The following MINDY4 variants were observed in gnomAD, a reference collection of about 807,000 sequenced individuals.
MINDY4 encodes probable ubiquitin carboxyl-terminal hydrolase MINDY-4.
MINDY4 carries 68 observed loss-of-function variants against 87.0 expected under a neutral mutation model. That is an observed-to-expected ratio of 0.78 (90% CI 0.64 to 0.96). The LOEUF (loss-of-function observed/expected upper bound fraction) is 0.96. Ranked by LOEUF, MINDY4 falls within the 40% of genes least tolerant of loss-of-function variation. The pLI is 0.00. For synonymous variants in MINDY4, 379 were observed against 363.2 expected, an observed-to-expected ratio of 1.04 and a Z score of -0.50; for missense variants, 919 against 928.2, an observed-to-expected ratio of 0.99 and a Z score of 0.13.
chr7:30,783,762 A>G (rs1389537437), intron 3 of MINDY4, among the ~76,000 whole-genome samples: 1 of 152,220 alleles, frequency 6.6e-6, no homozygotes, highest in African/African-American at 2.4e-5. Flanking sequence ...TGTTTATTTT[A>G]AATTCCATGA....
intron 6 of MINDY4, 36 bp from the exon 7 acceptor site, chr7:30,836,622 T>G: frequency 1.3e-6 from 2 of 1,547,028 alleles, no homozygotes; most frequent in Non-Finnish European, 8.9e-7. Context: ...CCGTGAGTCA[T>G]AACGAAGGGC....
intron 6 of MINDY4, among the ~76,000 whole-genome samples, chr7:30,836,358 C>CG (rs1238320238): frequency 2.0e-5 from 3 of 152,190 alleles, no homozygotes; most frequent in Non-Finnish European, 4.4e-5. Context: ...TTGTTCCACT[C>CG]TATGTCCATG....
intron 4 of MINDY4, 106 bp from the exon 5 acceptor site, chr7:30,791,057 GAC>G (rs1225225335): frequency 9.0e-7 from 1 of 1,114,062 alleles, no homozygotes. Flanking sequence ...GGTGGGAAAA[GAC>G]ATTCCTGGGA....
intron 5 of MINDY4, among the ~76,000 whole-genome samples, chr7:30,813,554 A>T (rs1413091113): frequency 2.0e-5 from 3 of 152,144 alleles, no homozygotes; most frequent in African/African-American, 7.2e-5. Context: ...AGAGGCCGTA[A>T]CCCCAGAGTG....
At chr7:30,823,817 T>TA (rs1309715222) in intron 5 of MINDY4, among the ~76,000 whole-genome samples, 4 of 152,016 alleles carry the variant, frequency 2.6e-5, no homozygotes, top group South Asian at 2.1e-4. Flanking sequence ...TAGTAGGACT[T>TA]AAAAAAACAA....
intron 17 of MINDY4, 115 bp from the exon 18 acceptor site, chr7:30,891,842 G>T: frequency 9.7e-7 from 1 of 1,032,148 alleles, no homozygotes; most frequent in South Asian, 1.3e-5. Context: ...GATGGAAACC[G>T]AACTATTCAA....
intron 9 of MINDY4, among the ~76,000 whole-genome samples, chr7:30,842,616 A>G (rs532776545): frequency 6.6e-5 from 10 of 152,184 alleles, no homozygotes; most frequent in Admixed American, 2.6e-4. Context: ...CATGGCACCT[A>G]TGATTGAACA....
At chr7:30,848,478 AGGAGC>A (rs1317100397) in intron 9 of MINDY4, among the ~76,000 whole-genome samples, 1 of 152,236 alleles carries the variant, frequency 6.6e-6, no homozygotes, top group Non-Finnish European at 1.5e-5. Flanking sequence ...GGCATGAAGC[AGGAGC>A]TGTGGGGGTG....
intron 2 of MINDY4, 83 bp from the exon 3 acceptor site, chr7:30,781,894 C>CA (rs34792861): frequency 3.2e-6 from 3 of 928,812 alleles, no homozygotes; most frequent in Middle Eastern, 2.2e-4. Flanking sequence ...TAAACTTAGT[C>CA]AAAGAAGTGG....
chr7:30,851,164 C>T (rs1486629452), intron 10 of MINDY4, among the ~76,000 whole-genome samples: 2 of 152,210 alleles, frequency 1.3e-5, no homozygotes, highest in Non-Finnish European at 2.9e-5. Flanking sequence ...CATCGCTGTC[C>T]CAGCTGTGAG....
chr7:30,783,830 C>G (rs1276594150), intron 3 of MINDY4, among the ~76,000 whole-genome samples: 1 of 152,088 alleles, frequency 6.6e-6, no homozygotes, highest in Non-Finnish European at 1.5e-5. Flanking sequence ...GTATGGTATT[C>G]TAAAAGGCAA....
rs370015862 is a variant in MINDY4, at chr7:30,872,277, C to T, written c.1780C>T (p.Leu594=). Residue 594 remains leucine (L), a synonymous_variant, in exon 14 of 18, where the codon CTG becomes TTG. Transcript: ENST00000265299. ...GGACTTTGATGTCCCCACCAGCCAC[C>T]TGATTGGAGCACATGGCTACTGTAC... ...RQDFDVPTSH[L]IGAHGYCTQE... is the part of the protein sequence containing the mutation. 101 of 1,614,054 alleles carry T rather than the reference C, an allele frequency of 6.3e-5. No individual in the cohort carries two copies. The highest frequency in any genetic ancestry group is 8.2e-5 in the Non-Finnish European group (97 of 1,180,024).
At chr7:30,877,595 GC>G (rs1790300788) in intron 15 of MINDY4, among the ~76,000 whole-genome samples, 1 of 151,930 alleles carries the variant, frequency 6.6e-6, no homozygotes, top group African/African-American at 2.4e-5. Flanking sequence ...CTCACCGAGG[GC>G]TGGGCCTCAA....
chr7:30,887,107 C>T (rs1790653776), intron 17 of MINDY4, among the ~76,000 whole-genome samples: 1 of 152,202 alleles, frequency 6.6e-6, no homozygotes, highest in South Asian at 2.1e-4. Flanking sequence ...CTTCGAGGGG[C>T]AGAGGCAGAG....
At chr7:30,783,618 G>A (rs1372974956) in intron 3 of MINDY4, among the ~76,000 whole-genome samples, 1 of 152,184 alleles carries the variant, frequency 6.6e-6, no homozygotes, top group Non-Finnish European at 1.5e-5. Context: ...ATCAGGATGT[G>A]AAAATCTTTG....
chr7:30,780,375 C>T (rs1786970611), intron 2 of MINDY4: 2 of 152,146 alleles, frequency 1.3e-5, no homozygotes, highest in Non-Finnish European at 2.9e-5. Flanking sequence ...TACCTAATTT[C>T]CCAAAAGTGT....
At chr7:30,817,757 C>G (rs1473745621) in intron 5 of MINDY4, among the ~76,000 whole-genome samples, 1 of 152,234 alleles carries the variant, frequency 6.6e-6, no homozygotes, top group East Asian at 1.9e-4. Flanking sequence ...TGATGCCAGT[C>G]TTACCTAGCA....
intron 14 of MINDY4, among the ~76,000 whole-genome samples, chr7:30,874,793 A>G (rs7782896): frequency 0.097 from 14,832 of 152,150 alleles, 863 homozygotes; most frequent in South Asian, 0.21. Context: ...TCACTAATGA[A>G]GTTCAAACAA....
In MINDY4 at chr7:30,852,199, C is replaced by G; in HGVS notation, c.1548-17C>G. Reference sequence around the variant, plus strand: ...CTCTCCACTCAGAGGACTCATGCACCTTCCTTTCCTTTTTAGGGCTTCGAG... The same window carrying G: ...CTCTCCACTCAGAGGACTCATGCACGTTCCTTTCCTTTTTAGGGCTTCGAG... On this transcript the variant is annotated splice_polypyrimidine_tract_variant and intron_variant, in intron 10 of 17. Transcript: ENST00000265299. The G allele has an allele frequency of 6.2e-7, 1 of 1,614,048 alleles. No individual in the cohort carries two copies. Among genetic ancestry groups the G allele is most frequent in the South Asian group, 1.1e-5 (1 of 91,060 alleles).
Sources: allele counts gnomAD v4.1 joint callset (sites outside exome capture counted in the v4.1 genomes callset), GRCh38; gene constraint gnomAD v4.1.1; transcripts MANE v1.5; gene names NCBI Gene and HGNC (gene_info 2026-07-23, HGNC 2026-07-21).